RBFOX1: variants seen among roughly 807,000 people sequenced by gnomAD.
The protein encoded by RBFOX1 is RNA binding protein fox-1 homolog 1.
Under a neutral mutation model 57.7 loss-of-function variants are expected in RBFOX1, and 8 were observed. That is an observed-to-expected ratio of 0.14 (90% CI 0.08 to 0.25). The LOEUF (loss-of-function observed/expected upper bound fraction) is 0.25, where lower values mean the gene tolerates loss of function less well. RBFOX1 is among the 10% of genes least tolerant of loss of function. The probability of loss-of-function intolerance (pLI) is 1.00; values close to 1 mark genes in which losing one functional copy is unlikely to be tolerated. For synonymous variants in RBFOX1, 326 were observed against 222.4 expected (o/e 1.47, Z -4.15); for missense variants, 611 against 548.5 (o/e 1.11, Z -1.14).
Position 7,211,199 on chromosome 16 carries a change from G to T in RBFOX1, c.27+159101G>T, listed in dbSNP as rs146212593. On this transcript the variant is annotated intron_variant, in intron 4 of 15. Coordinates refer to ENST00000550418, the MANE Select transcript of RBFOX1 (RefSeq NM_018723.4). ...GAGGTCAGGAGATCAAGACTGTCCT[G>T]GCTAACACAGTTAAACCCCGTCTCT... 1.1e-3 allele frequency among the ~76,000 whole-genome samples: 172 copies of T among 151,758 alleles called. 1 individual carries two copies. Among genetic ancestry groups the T allele is most frequent in the African/African-American group, 4.0e-3 (165 of 41,364 alleles).
At chr16:6,959,923 C>T (rs528000789) in intron 3 of RBFOX1, among the ~76,000 whole-genome samples, 16 of 151,952 alleles carry the variant, frequency 1.1e-4, no homozygotes, top group Non-Finnish European at 1.5e-4. Context: ...GCGACAAGAG[C>T]GAAACTCCAT....
intron 1 of RBFOX1, among the ~76,000 whole-genome samples, chr16:6,224,094 G>T (rs2097398047): frequency 6.6e-6 from 1 of 151,976 alleles, no homozygotes; most frequent in South Asian, 2.1e-4. Flanking sequence ...ATGCTGTTTT[G>T]GTTACTGTAG....
chr16:6,480,075 G>A (rs2095348988), intron 2 of RBFOX1, among the ~76,000 whole-genome samples: 1 of 151,090 alleles, frequency 6.6e-6, no homozygotes, highest in Admixed American at 6.6e-5. Context: ...AAAATCACTG[G>A]TCTAGAAAAA....
chr16:5,983,204 A>T (rs2060209231), intron 4 of RBFOX1, among the ~76,000 whole-genome samples: 1 of 152,218 alleles, frequency 6.6e-6, no homozygotes, highest in Non-Finnish European at 1.5e-5. Flanking sequence ...GCCACGGGGA[A>T]TTAGGGATGT....
chr16:6,725,178 G>T (rs1315620709), intron 3 of RBFOX1, among the ~76,000 whole-genome samples: 2 of 150,580 alleles, frequency 1.3e-5, no homozygotes, highest in African/African-American at 4.9e-5. Flanking sequence ...AGCCTCCCGA[G>T]TAACTGGGAC....
intron 3 of RBFOX1, among the ~76,000 whole-genome samples, chr16:7,010,816 C>T (rs867821890): frequency 2.6e-5 from 4 of 152,044 alleles, no homozygotes; most frequent in African/African-American, 7.3e-5. Context: ...CTACCCATCT[C>T]TGCCTCTGCC....
chr16:6,084,458 G>A (rs1269304590), intron 1 of RBFOX1, among the ~76,000 whole-genome samples: 2 of 152,226 alleles, frequency 1.3e-5, no homozygotes, highest in African/African-American at 4.8e-5. Flanking sequence ...TGCCCAGGCT[G>A]ATCTCCAACT....
In RBFOX1 at chr16:6,930,164, T is replaced by G. The variant is rs188088049; in HGVS notation, c.-15-121893T>G. 6.1e-4 allele frequency among the ~76,000 whole-genome samples: 93 copies of G among 152,336 alleles called. 2 individuals carry two copies. The highest frequency in any genetic ancestry group is 4.6e-4 in the Non-Finnish European group (31 of 68,044). ...GCTAGGGAAATAAAGAGAAGAGAGA[T>G]ATTATCCCATCTTTGATAAGGGATT... On this transcript the variant is annotated intron_variant, in intron 3 of 15. Coordinates refer to ENST00000550418, the MANE Select transcript of RBFOX1 (RefSeq NM_018723.4).
At chr16:5,462,226 C>T (rs1362167298) in intron 1 of RBFOX1, among the ~76,000 whole-genome samples, 3 of 142,600 alleles carry the variant, frequency 2.1e-5, no homozygotes, top group Non-Finnish European at 3.0e-5. Flanking sequence ...TGGAGTGCAG[C>T]GGCACTATCT....
chr16:5,307,231 G>A (rs542049070), intron 1 of RBFOX1, among the ~76,000 whole-genome samples: 1 of 152,202 alleles, frequency 6.6e-6, no homozygotes, highest in Non-Finnish European at 1.5e-5. Flanking sequence ...GCTTTAGGGA[G>A]GCATCTGACA....
rs550684601 is a variant in RBFOX1 at position 6,946,457 on chromosome 16, C to G, written c.-15-105600C>G. Reference sequence around the variant, plus strand: ...AATAAGCTGTTACCCACTATGGTAACTGGCTTGGTAATGGGCTTTCTGCAT... The same window carrying G: ...AATAAGCTGTTACCCACTATGGTAAGTGGCTTGGTAATGGGCTTTCTGCAT... On this transcript the variant is annotated intron_variant, in intron 3 of 15. Coordinates refer to ENST00000550418, the MANE Select transcript of RBFOX1 (RefSeq NM_018723.4). Among the ~76,000 whole-genome samples the G allele has an allele frequency of 5.3e-5, 8 of 152,326 alleles. No individual in the cohort carries two copies. The East Asian group carries it at 1.4e-3, about 26-fold the overall frequency.
chr16:5,869,352 C>G (rs1274129097), intron 4 of RBFOX1, among the ~76,000 whole-genome samples: 1 of 152,134 alleles, frequency 6.6e-6, no homozygotes, highest in Non-Finnish European at 1.5e-5. Flanking sequence ...CAGTTTAAAA[C>G]AATCATCCAA....
chr16:6,129,290 G>A (rs1281752151), intron 1 of RBFOX1, among the ~76,000 whole-genome samples: 1 of 151,908 alleles, frequency 6.6e-6, no homozygotes, highest in Admixed American at 6.6e-5. Context: ...TTACTTAAAT[G>A]AATAAACAAG....
At chr16:7,004,112 C>G (rs918099884) in intron 3 of RBFOX1, 9 of 151,466 alleles carry the variant, frequency 5.9e-5, no homozygotes, top group African/African-American at 1.5e-4. Context: ...AATGTGGACA[C>G]TAGAAATCAG....
rs117136400 is a variant in RBFOX1, at chr16:6,340,346, C to G, written c.-64+23289C>G. ...CCGAAAATGGGTTTGGATCCAGACT[C>G]TAAGACAGGGTTCTTGGATCTCAAG... On this transcript the variant is annotated intron_variant, in intron 2 of 15. Coordinates refer to ENST00000550418, the MANE Select transcript of RBFOX1 (RefSeq NM_018723.4). Among the ~76,000 whole-genome samples the G allele has an allele frequency of 5.8e-3, 879 of 152,220 alleles. 32 individuals are homozygous for G. The highest frequency in any genetic ancestry group is 0.048 in the Admixed American group (726 of 15,278).
At chr16:5,830,235 C>T (rs1382335422) in intron 3 of RBFOX1, among the ~76,000 whole-genome samples, 1 of 152,098 alleles carries the variant, frequency 6.6e-6, no homozygotes, top group Non-Finnish European at 1.5e-5. Flanking sequence ...TAGGAAAACC[C>T]TCCCTATCTA....
At chr16:6,289,510 A>G (rs1189514364) in intron 1 of RBFOX1, among the ~76,000 whole-genome samples, 2 of 152,182 alleles carry the variant, frequency 1.3e-5, no homozygotes, top group East Asian at 1.9e-4. Flanking sequence ...TGAGTCGGCT[A>G]ATGCTATGTT....
chr16:7,404,753 G>C (rs901817213), intron 4 of RBFOX1, among the ~76,000 whole-genome samples: 1 of 152,156 alleles, frequency 6.6e-6, no homozygotes, highest in Non-Finnish European at 1.5e-5. Context: ...TTAATTATCT[G>C]ATTCCTTGTT....
At chr16:6,915,910 C>T (rs982707880) in intron 3 of RBFOX1, among the ~76,000 whole-genome samples, 1 of 152,062 alleles carries the variant, frequency 6.6e-6, no homozygotes, top group African/African-American at 2.4e-5. Flanking sequence ...GTGAAAGGGC[C>T]GTATTTGCAA....
Sources: allele counts gnomAD v4.1 joint callset (sites outside exome capture counted in the v4.1 genomes callset), GRCh38; gene constraint gnomAD v4.1.1; transcripts MANE v1.5; gene names NCBI Gene and HGNC (gene_info 2026-07-23, HGNC 2026-07-21).